The following TBC1D12 variants were observed in gnomAD, a reference collection of about 807,000 sequenced individuals.
TBC1D12 encodes the protein TBC1 domain family, member 12.
Under a neutral mutation model 86.7 loss-of-function variants are expected in TBC1D12, and 56 were observed. The observed-to-expected ratio is 0.65, with a 90% CI of 0.52 to 0.81. The LOEUF (loss-of-function observed/expected upper bound fraction) is 0.81, where lower values mean the gene tolerates loss of function less well. Ranked by LOEUF, TBC1D12 falls within the 30% of genes least tolerant of loss-of-function variation. The probability of loss-of-function intolerance (pLI) is 0.00; values close to 1 mark genes in which losing one functional copy is unlikely to be tolerated. For missense variants in TBC1D12, 1,023 were observed against 1,038.8 expected, an observed-to-expected ratio of 0.98 and a Z score of 0.21; for synonymous variants, 421 against 411.7, an observed-to-expected ratio of 1.02 and a Z score of -0.27.
chr10:94,505,105 C>CT (rs895976143), intron 6 of TBC1D12, among the ~76,000 whole-genome samples: 1 of 151,742 alleles, frequency 6.6e-6, no homozygotes, highest in Non-Finnish European at 1.5e-5. Context: ...GGTGAGCCCC[C>CT]TTTTTTTTAG....
chr10:94,489,474 G>C (rs1022407257), intron 3 of TBC1D12, among the ~76,000 whole-genome samples: 2 of 152,160 alleles, frequency 1.3e-5, no homozygotes, highest in Non-Finnish European at 2.9e-5. Flanking sequence ...ACTAGGTACT[G>C]TGATTGCTCA....
intron 2 of TBC1D12, among the ~76,000 whole-genome samples, chr10:94,445,132 G>A (rs1419216771): frequency 1.3e-5 from 2 of 149,922 alleles, no homozygotes; most frequent in East Asian, 2.0e-4. Context: ...AGGCTGTGGC[G>A]GGCAGATCAC....
At position 94,533,032 on chromosome 10, in the gene TBC1D12, T is replaced by C; in HGVS notation, c.2264T>C (p.Phe755Ser). 1 of 1,562,602 alleles carries C rather than the reference T, an allele frequency of 6.4e-7. No homozygotes were observed. Among genetic ancestry groups the C allele is most frequent in the Non-Finnish European group, 8.7e-7 (1 of 1,145,038 alleles). ...TTTATTTTATATAATTTTCAGGTCTTTGCATCTGTAATGAAGGATATTAAA... is the reference window on the plus strand; with the variant it reads ...TTTATTTTATATAATTTTCAGGTCTCTGCATCTGTAATGAAGGATATTAAA... ...QNSTKKWTQV[F>S]ASVMKDIKEG... Residue 755 changes from phenylalanine (F) to serine (S), a missense_variant, in exon 13 of 13, where the codon TTT becomes TCT. Physicochemically the swap from Phe to Ser is radical, Grantham distance 155. Around this residue, in one of 2 missense-constraint regions of TBC1D12, gnomAD observed 395 missense variants for 507.7 expected, o/e 0.78. Coordinates refer to ENST00000225235, the MANE Select transcript of TBC1D12 (RefSeq NM_015188.2).
At chr10:94,432,209 T>C (rs542104647) in intron 1 of TBC1D12, among the ~76,000 whole-genome samples, 10 of 152,302 alleles carry the variant, frequency 6.6e-5, no homozygotes, top group African/African-American at 2.2e-4. Context: ...CTCACATTTA[T>C]CTCCATTGAG....
intron 1 of TBC1D12, among the ~76,000 whole-genome samples, chr10:94,405,708 A>G (rs997375348): frequency 6.6e-6 from 1 of 152,186 alleles, no homozygotes; most frequent in African/African-American, 2.4e-5. Flanking sequence ...TGCATTGTGA[A>G]TAGAGATGAT....
At chr10:94,508,318 G>A (rs998407026) in intron 7 of TBC1D12, 2 of 151,470 alleles carry the variant, frequency 1.3e-5, no homozygotes. Flanking sequence ...TCATCATATA[G>A]GGATGGGGTC....
intron 3 of TBC1D12, among the ~76,000 whole-genome samples, chr10:94,493,062 A>G (rs2134176178): frequency 6.6e-6 from 1 of 152,190 alleles, no homozygotes; most frequent in African/African-American, 2.4e-5. Flanking sequence ...GTTTGAGACT[A>G]GCCTGAGCAA....
intron 2 of TBC1D12, among the ~76,000 whole-genome samples, chr10:94,450,834 A>G (rs1029854004): frequency 6.6e-6 from 1 of 152,146 alleles, no homozygotes; most frequent in African/African-American, 2.4e-5. Flanking sequence ...ATTCAGCCAT[A>G]AAAAAGAATG....
Position 94,402,550 on chromosome 10 carries a change from C to T in TBC1D12, c.-64C>T. On this transcript the variant is annotated 5_prime_UTR_variant, in exon 1 of 13. Transcript: ENST00000225235. ...CGCGGCCCCAGCACCCAGAGCTGTT[C>T]TCTGGCCAAGCCTGCGCCTGTAGTC... 1 of 1,578,608 alleles carries T rather than the reference C, an allele frequency of 6.3e-7. No homozygotes were observed. The highest frequency in any genetic ancestry group is 1.4e-5 in the African/African-American group (1 of 73,486).
intron 3 of TBC1D12, among the ~76,000 whole-genome samples, chr10:94,485,672 G>C (rs533757413): frequency 4.6e-5 from 7 of 151,096 alleles, no homozygotes; most frequent in Non-Finnish European, 8.8e-5. Flanking sequence ...ATTGTTGTCA[G>C]TTCAATTCTT....
intron 4 of TBC1D12, among the ~76,000 whole-genome samples, chr10:94,494,744 A>G (rs1160864576): frequency 6.6e-6 from 1 of 152,162 alleles, no homozygotes. Flanking sequence ...AGGTTTCGCC[A>G]TATAGGCCAG....
chr10:94,531,734 GTTATGTTATT>G (rs1278118868), intron 12 of TBC1D12, among the ~76,000 whole-genome samples: 2 of 68,352 alleles, frequency 2.9e-5, no homozygotes, highest in African/African-American at 5.3e-5. Flanking sequence ...GTTATTTTAT[GTTATGTTATT>G]TTATGTTATT....
chr10:94,487,242 CTT>C (rs60104750), intron 3 of TBC1D12, among the ~76,000 whole-genome samples: 15 of 127,580 alleles, frequency 1.2e-4, no homozygotes, highest in African/African-American at 2.9e-4. Flanking sequence ...ATCATTGGGT[CTT>C]TTTTTTTTTT....
At chr10:94,434,361 C>T (rs1243071310) in intron 1 of TBC1D12, among the ~76,000 whole-genome samples, 2 of 151,696 alleles carry the variant, frequency 1.3e-5, no homozygotes, top group Non-Finnish European at 2.9e-5. Flanking sequence ...CAAAAATTAG[C>T]CAGGCGTGGT....
At chr10:94,411,717 C>G (rs76465252) in intron 1 of TBC1D12, among the ~76,000 whole-genome samples, 2,064 of 152,200 alleles carry the variant, frequency 0.014, 40 homozygotes, top group East Asian at 0.06. Flanking sequence ...TGCCTGCATT[C>G]GGAGCCCAAG....
chr10:94,511,795 G>T, intron 9 of TBC1D12, 141 bp downstream of exon 9: 2 of 654,782 alleles, frequency 3.1e-6, no homozygotes, highest in Non-Finnish European at 5.2e-6. Flanking sequence ...ACCCAGTGAA[G>T]AATCTTTCTA....
At chr10:94,471,652 T>G (rs2134140660) in intron 2 of TBC1D12, among the ~76,000 whole-genome samples, 1 of 152,326 alleles carries the variant, frequency 6.6e-6, no homozygotes, top group South Asian at 2.1e-4. Flanking sequence ...CGATCCCACC[T>G]CTTAGTAAGA....
intron 2 of TBC1D12, among the ~76,000 whole-genome samples, chr10:94,456,690 C>T (rs936454200): frequency 3.3e-5 from 5 of 152,188 alleles, no homozygotes; most frequent in African/African-American, 1.2e-4. Flanking sequence ...ATCCAGTTGA[C>T]TGATGGTACT....
At chr10:94,514,046 A>C (rs976544538) in intron 9 of TBC1D12, among the ~76,000 whole-genome samples, 56 of 125,336 alleles carry the variant, frequency 4.5e-4, no homozygotes, top group African/African-American at 1.4e-3. Context: ...TCTCAAAAAA[A>C]AAACAAAAAA....
Sources: allele counts gnomAD v4.1 joint callset (sites outside exome capture counted in the v4.1 genomes callset), GRCh38; gene constraint gnomAD v4.1.1; regional missense constraint gnomAD v4.1.1; transcripts MANE v1.5; gene names NCBI Gene and HGNC (gene_info 2026-07-23, HGNC 2026-07-21).